RBX1: variants seen among roughly 807,000 people sequenced by gnomAD.
RBX1 encodes ring-box 1, also known as E3 ubiquitin-protein ligase RBX1.
For synonymous variants in RBX1, 48 were observed against 47.9 expected (o/e 1.00, Z -0.01); for missense variants, 46 against 141.4 (o/e 0.33, Z 3.42).
intron 4 of RBX1, among the ~76,000 whole-genome samples, chr22:40,969,689 A>C (rs1169486632): frequency 6.6e-6 from 1 of 152,160 alleles, no homozygotes; most frequent in African/African-American, 2.4e-5. Flanking sequence ...GTTTGAGACC[A>C]GCCTGGCCCA....
chr22:40,972,045 C>G (rs1673963790), intron 4 of RBX1, among the ~76,000 whole-genome samples: 1 of 152,168 alleles, frequency 6.6e-6, no homozygotes, highest in Non-Finnish European at 1.5e-5. Context: ...TAGCTTTACC[C>G]TAAACATGCC....
chr22:40,959,949 T>C (rs1264094070), intron 2 of RBX1, among the ~76,000 whole-genome samples: 1 of 151,974 alleles, frequency 6.6e-6, no homozygotes, highest in Non-Finnish European at 1.5e-5. Flanking sequence ...AAACCCCGTC[T>C]CTACTAAAAA....
At chr22:40,958,072 C>T (rs1402695628) in intron 2 of RBX1, among the ~76,000 whole-genome samples, 1 of 152,070 alleles carries the variant, frequency 6.6e-6, no homozygotes, top group Admixed American at 6.6e-5. Flanking sequence ...GATCACCCAT[C>T]TCGGCCCCCA....
At chr22:40,955,031 C>T (rs893997426) in intron 2 of RBX1, among the ~76,000 whole-genome samples, 8 of 152,070 alleles carry the variant, frequency 5.3e-5, no homozygotes, top group Non-Finnish European at 1.0e-4. Context: ...GGGTGATCCG[C>T]GTGCCTCTGC....
chr22:40,959,862 A>G (rs1019643039), intron 2 of RBX1, among the ~76,000 whole-genome samples: 2 of 152,120 alleles, frequency 1.3e-5, no homozygotes, highest in Non-Finnish European at 2.9e-5. Flanking sequence ...CACGCCTGTA[A>G]TCTCAGCACC....
intron 2 of RBX1, among the ~76,000 whole-genome samples, chr22:40,957,449 C>T (rs1226822426): frequency 6.6e-6 from 1 of 151,522 alleles, no homozygotes; most frequent in East Asian, 2.0e-4. Context: ...AGTTCAAGAC[C>T]AGCCTGGGCA....
intron 2 of RBX1, among the ~76,000 whole-genome samples, chr22:40,963,543 C>T (rs765386907): frequency 6.6e-6 from 1 of 151,976 alleles, no homozygotes; most frequent in Admixed American, 6.6e-5. Context: ...GTCTGAGACA[C>T]GAGAATCGCT....
chr22:40,965,822 T>C (rs898458980), intron 3 of RBX1, among the ~76,000 whole-genome samples: 2 of 152,210 alleles, frequency 1.3e-5, no homozygotes, highest in African/African-American at 2.4e-5. Context: ...ATGTTGGCCA[T>C]GGGGGAGCTT....
At chr22:40,964,454 CT>C (rs772125538) in intron 3 of RBX1, 5 of 209,448 alleles carry the variant, frequency 2.4e-5, no homozygotes, top group Non-Finnish European at 4.9e-5. Flanking sequence ...TTGAAACAGG[CT>C]TTTTTAAAGA....
intron 4 of RBX1, among the ~76,000 whole-genome samples, chr22:40,970,450 T>G (rs892362750): frequency 3.9e-5 from 6 of 152,144 alleles, no homozygotes; most frequent in Non-Finnish European, 8.8e-5. Context: ...CTCCAAACAG[T>G]GAAGCAGAAC....
At chr22:40,963,555 G>A (rs2058346539) in intron 2 of RBX1, among the ~76,000 whole-genome samples, 1 of 152,108 alleles carries the variant, frequency 6.6e-6, no homozygotes, top group Admixed American at 6.5e-5. Context: ...AGAATCGCTT[G>A]AACTCGGGGG....
chr22:40,957,781 C>T (rs2058329612), intron 2 of RBX1, among the ~76,000 whole-genome samples: 1 of 152,110 alleles, frequency 6.6e-6, no homozygotes, highest in African/African-American at 2.4e-5. Flanking sequence ...CCTCCTACCT[C>T]AGCCTCTAAG....
chr22:40,962,694 T>G (rs2058344298), intron 2 of RBX1, among the ~76,000 whole-genome samples: 1 of 149,868 alleles, frequency 6.7e-6, no homozygotes, highest in Admixed American at 6.7e-5. Flanking sequence ...ATTTTTATTT[T>G]TATTTATTTA....
chr22:40,952,601 G>A (rs1017409886), intron 1 of RBX1, among the ~76,000 whole-genome samples: 39 of 152,316 alleles, frequency 2.6e-4, no homozygotes, highest in African/African-American at 9.4e-4. Context: ...TGTAATTGAG[G>A]AAGCCAGAGT....
chr22:40,957,747 A>G (rs2058329530), intron 2 of RBX1, among the ~76,000 whole-genome samples: 1 of 152,142 alleles, frequency 6.6e-6, no homozygotes, highest in Non-Finnish European at 1.5e-5. Flanking sequence ...AGCTCACTGC[A>G]GCCTTGACCT....
intron 2 of RBX1, among the ~76,000 whole-genome samples, chr22:40,956,826 G>T (rs1332136916): frequency 6.6e-6 from 1 of 151,714 alleles, no homozygotes; most frequent in Non-Finnish European, 1.5e-5. Flanking sequence ...ACAAGGTCCA[G>T]AGATCGAGAC....
chr22:40,960,167 A>C (rs780562650), intron 2 of RBX1, among the ~76,000 whole-genome samples: 12 of 152,232 alleles, frequency 7.9e-5, no homozygotes, highest in Non-Finnish European at 1.3e-4. Context: ...TTATAGAAAT[A>C]GTTTTTGTTT....
chr22:40,961,925 C>T (rs1283181294), intron 2 of RBX1, among the ~76,000 whole-genome samples: 3 of 151,992 alleles, frequency 2.0e-5, no homozygotes, highest in African/African-American at 7.3e-5. Context: ...GCTGGGATTA[C>T]AGATATCCAC....
intron 2 of RBX1, among the ~76,000 whole-genome samples, chr22:40,962,228 A>T (rs1185945159): frequency 6.6e-6 from 1 of 151,894 alleles, no homozygotes; most frequent in African/African-American, 2.4e-5. Context: ...CAGCCTCCCA[A>T]GTAACTGGGA....
Sources: gnomAD v4.1 joint callset for allele counts (sites outside exome capture counted in the v4.1 genomes callset) on GRCh38, gnomAD v4.1.1 for gene constraint, MANE v1.5 for transcripts, NCBI Gene and HGNC (gene_info 2026-07-23, HGNC 2026-07-21) for gene names.